Variants in ANTXR2 observed in about 807,000 individuals in gnomAD.
ANTXR2 encodes anthrax toxin receptor 2.
A neutral mutation model predicts 73.7 loss-of-function variants in ANTXR2; 44 were observed. The ratio of observed to expected loss-of-function variants is 0.60; its 90% CI spans 0.47 to 0.77. ANTXR2 has a LOEUF of 0.77. ANTXR2 is among the 30% of genes least tolerant of loss of function. The pLI is 0.00. For missense variants in ANTXR2, 604 were observed against 592.5 expected, an observed-to-expected ratio of 1.02 and a Z score of -0.20; for synonymous variants, 217 against 205.9, an observed-to-expected ratio of 1.05 and a Z score of -0.46.
intron 12 of ANTXR2, among the ~76,000 whole-genome samples, chr4:79,988,405 G>C (rs77893129): frequency 2.0e-5 from 3 of 151,440 alleles, no homozygotes; most frequent in Non-Finnish European, 4.4e-5. Context: ...AAAAGACAAA[G>C]AGCATTGCAT....
At chr4:79,937,074 A>G (rs2109969041) in intron 16 of ANTXR2, among the ~76,000 whole-genome samples, 1 of 150,758 alleles carries the variant, frequency 6.6e-6, no homozygotes, top group South Asian at 2.1e-4. Context: ...TAATAAATAC[A>G]TTAGCATTAA....
intron 9 of ANTXR2, among the ~76,000 whole-genome samples, chr4:80,032,839 G>A (rs1489781774): frequency 6.6e-6 from 1 of 151,758 alleles, no homozygotes; most frequent in Non-Finnish European, 1.5e-5. Context: ...TTTTTTAAAA[G>A]TCAAAGGTAG....
chr4:79,911,713 T>C (rs1219228047), intron 16 of ANTXR2, among the ~76,000 whole-genome samples: 1 of 151,988 alleles, frequency 6.6e-6, no homozygotes, highest in Non-Finnish European at 1.5e-5. Flanking sequence ...TAGAGAATAA[T>C]ATAACATGTA....
Position 79,983,884 on chromosome 4 carries a change from T to C in ANTXR2, c.1173A>G (p.Arg391=), listed in dbSNP as rs773584185. 1.2e-6 allele frequency: 2 copies of C among 1,611,234 alleles called. No homozygotes were observed. Among genetic ancestry groups the C allele is most frequent in the Non-Finnish European group, 1.7e-6 (2 of 1,178,082 alleles). ...YGGRGVGGIK[R]MEVRWGDKGS... is the part of the protein sequence containing the mutation. ...TTTTTTTTAAGATACCAACCTCCATTCTTTTAATTCCTCCAACCCCTCGAC... is the reference window on the plus strand; with the variant it reads ...TTTTTTTTAAGATACCAACCTCCATCCTTTTAATTCCTCCAACCCCTCGAC... The change falls in exon 14 of 17, where the codon AGA becomes AGG. Residue 391 remains arginine (R), a synonymous_variant. Transcript: ENST00000403729.
chr4:80,011,327 T>TATCTATCTATCTATCTGTCTATC lies in ANTXR2; in HGVS notation c.946-2712_946-2711insGATAGACAGATAGATAGATAGAT, dbSNP rs1560986471. On this transcript the variant is annotated intron_variant, in intron 11 of 16. Transcript: ENST00000403729. Reference sequence around the variant, plus strand: ...TCTATCTATCTATCTGTCTATCATCTATCTATCTATCTATCTGTCTGTCTA... The same window carrying TATCTATCTATCTATCTGTCTATC: ...TCTATCTATCTATCTGTCTATCATCTATCTATCTATCTATCTGTCTATCATCTATCTATCTATCTGTCTGTCTA... Among the ~76,000 whole-genome samples the TATCTATCTATCTATCTGTCTATC allele has an allele frequency of 2.1e-4, 32 of 150,996 alleles. 1 individual carries two copies. Among genetic ancestry groups the TATCTATCTATCTATCTGTCTATC allele is most frequent in the African/African-American group, 7.3e-4 (30 of 40,848 alleles).
chr4:80,041,108 C>G (rs191371382), intron 7 of ANTXR2, among the ~76,000 whole-genome samples: 1 of 152,066 alleles, frequency 6.6e-6, no homozygotes, highest in East Asian at 1.9e-4. Flanking sequence ...GTCTAATAAA[C>G]AAATATTTTT....
intron 16 of ANTXR2, among the ~76,000 whole-genome samples, chr4:79,916,277 G>C (rs1225190178): frequency 6.6e-6 from 1 of 151,936 alleles, no homozygotes; most frequent in African/African-American, 2.4e-5. Flanking sequence ...TTCCAAGTAA[G>C]ATACATATCT....
In ANTXR2 at chr4:79,993,134, C is replaced by T. The variant is rs1478094303; in HGVS notation, c.1042-8271G>A. On this transcript the variant is annotated intron_variant, in intron 12 of 16. Transcript: ENST00000403729. ...AACAGGTGTTATGTCTGCTTTGCTC[C>T]TCACTGACTTTCTAGTATTTAATAG... Among the ~76,000 whole-genome samples the T allele has an allele frequency of 2.0e-5, 3 of 152,052 alleles. No homozygotes were observed. In the East Asian group the frequency reaches 5.8e-4, roughly 29 times the overall value.
intron 16 of ANTXR2, among the ~76,000 whole-genome samples, chr4:79,975,935 C>G (rs1229419549): frequency 9.8e-6 from 1 of 101,742 alleles, no homozygotes; most frequent in Non-Finnish European, 2.0e-5. Context: ...TTTTTTGAGA[C>G]GTAGTCTCTC....
chr4:79,980,230 C>G (rs1729828113), intron 14 of ANTXR2, among the ~76,000 whole-genome samples: 1 of 152,116 alleles, frequency 6.6e-6, no homozygotes, highest in South Asian at 2.1e-4. Flanking sequence ...GCTATTTAAT[C>G]ATCATCAACA....
In ANTXR2 at chr4:80,072,802, G is replaced by T; in HGVS notation, c.-242C>A. ...CCGCCGGAACTCTTGACGAATCCCA[G>T]TGGAAGCGCGATCCAGTCCTCCCCC... is the stretch of plus-strand genomic sequence containing the variant. On this transcript the variant is annotated 5_prime_UTR_variant, in exon 1 of 17. It adds an upstream start codon to the 5' untranslated region. Coordinates refer to ENST00000403729, the MANE Select transcript of ANTXR2 (RefSeq NM_058172.6). The T allele has an allele frequency of 9.5e-7, 1 of 1,050,976 alleles. No individual in the cohort carries two copies. Among genetic ancestry groups the T allele is most frequent in the Non-Finnish European group, 1.2e-6 (1 of 811,010 alleles). 65.1% of individuals were successfully genotyped at this position (1,050,976 alleles called of 1,614,324 possible).
intron 16 of ANTXR2, among the ~76,000 whole-genome samples, chr4:79,921,595 T>C (rs762596020): frequency 5.9e-5 from 9 of 152,214 alleles, no homozygotes; most frequent in Non-Finnish European, 1.3e-4. Flanking sequence ...GTTTTATGGA[T>C]AAGACTTTGT....
chr4:80,011,468 C>CAAGAA (rs1731583688), intron 11 of ANTXR2, among the ~76,000 whole-genome samples: 1 of 151,996 alleles, frequency 6.6e-6, no homozygotes, highest in Non-Finnish European at 1.5e-5. Context: ...TTTGTAAGAC[C>CAAGAA]CTGGCAAGCC....
At chr4:79,910,050 G>C (rs74981427) in intron 16 of ANTXR2, among the ~76,000 whole-genome samples, 2 of 152,130 alleles carry the variant, frequency 1.3e-5, no homozygotes, top group African/African-American at 4.8e-5. Flanking sequence ...CTTCTTAACT[G>C]TGTGACCATG....
chr4:79,965,666 T>C (rs1390630721), intron 16 of ANTXR2, among the ~76,000 whole-genome samples: 3 of 152,196 alleles, frequency 2.0e-5, no homozygotes, highest in Non-Finnish European at 2.9e-5. Context: ...TTGCAAGATA[T>C]ATTCACCAAT....
intron 16 of ANTXR2, among the ~76,000 whole-genome samples, chr4:79,931,800 A>G (rs1728069448): frequency 6.6e-6 from 1 of 152,214 alleles, no homozygotes; most frequent in Admixed American, 6.5e-5. Context: ...GTATTCAAAT[A>G]AATGATATAT....
chr4:79,921,100 T>C (rs1461311212), intron 16 of ANTXR2, among the ~76,000 whole-genome samples: 1 of 152,112 alleles, frequency 6.6e-6, no homozygotes, highest in African/African-American at 2.4e-5. Flanking sequence ...TTTGCTACAG[T>C]ATTTCTAGAC....
At position 80,044,073 on chromosome 4, in the gene ANTXR2, C is replaced by A. The variant is rs537527057; in HGVS notation, c.637-8041G>T. Among the ~76,000 whole-genome samples the A allele has an allele frequency of 3.9e-5, 6 of 151,950 alleles. No individual in the cohort carries two copies. In the South Asian group the frequency reaches 1.2e-3, roughly 32 times the overall value. ...AGGGACAAATACTCCAAGAATCCAACGGGCTACAAAGAAGTTTCCTATCTT... is the reference window on the plus strand; with the variant it reads ...AGGGACAAATACTCCAAGAATCCAAAGGGCTACAAAGAAGTTTCCTATCTT... On this transcript the variant is annotated intron_variant, in intron 7 of 16. Coordinates refer to ENST00000403729, the MANE Select transcript of ANTXR2 (RefSeq NM_058172.6).
chr4:80,019,332 A>G (rs537131940), intron 10 of ANTXR2, among the ~76,000 whole-genome samples: 6 of 152,206 alleles, frequency 3.9e-5, no homozygotes, highest in African/African-American at 9.6e-5. Context: ...ATGCCATTGC[A>G]CTCCAGCCCG....
Sources: gnomAD v4.1 joint callset for allele counts (sites outside exome capture counted in the v4.1 genomes callset) on GRCh38, gnomAD v4.1.1 for gene constraint, MANE v1.5 for transcripts, NCBI Gene and HGNC (gene_info 2026-07-23, HGNC 2026-07-21) for gene names.